The following MARCHF1 variants were observed in gnomAD, a reference collection of about 807,000 sequenced individuals.
MARCHF1 encodes the protein E3 ubiquitin-protein ligase MARCHF1.
MARCHF1 carries 40 observed loss-of-function variants against 54.2 expected under a neutral mutation model. That is an observed-to-expected ratio of 0.74 (90% CI 0.57 to 0.96). The LOEUF (loss-of-function observed/expected upper bound fraction) is 0.96. Ranked by LOEUF, MARCHF1 falls within the 40% of genes least tolerant of loss-of-function variation. The probability of loss-of-function intolerance (pLI) is 0.00; values close to 1 mark genes in which losing one functional copy is unlikely to be tolerated. For synonymous variants in MARCHF1, 236 were observed against 236.3 expected, an observed-to-expected ratio of 1.00 and a Z score of 0.01; for missense variants, 586 against 656.5, an observed-to-expected ratio of 0.89 and a Z score of 1.17.
intron 1 of MARCHF1, among the ~76,000 whole-genome samples, chr4:164,190,906 CT>C: frequency 6.6e-6 from 1 of 152,146 alleles, no homozygotes; most frequent in East Asian, 1.9e-4. Flanking sequence ...CATGGTACCC[CT>C]TTTTGTACTT....
In MARCHF1 at chr4:164,005,282, T is replaced by G. The variant is rs527444156; in HGVS notation, c.-247-16573A>C. On this transcript the variant is annotated intron_variant, in intron 2 of 9. Coordinates refer to ENST00000514618, the MANE Select transcript of MARCHF1 (RefSeq NM_001394959.1). ...AACAAAGTGTGAGTAGCCCTAATTT[T>G]AATACCGCAATTAAATTAATAATTT... 5.9e-5 allele frequency among the ~76,000 whole-genome samples: 9 copies of G among 152,200 alleles called. 1 individual carries two copies. In the South Asian group the frequency reaches 1.9e-3, roughly 32 times the overall value.
At chr4:163,694,772 TTATA>T (rs2111212602) in intron 5 of MARCHF1, among the ~76,000 whole-genome samples, 1 of 152,262 alleles carries the variant, frequency 6.6e-6, no homozygotes, top group East Asian at 1.9e-4. Flanking sequence ...GGGCTATTGA[TTATA>T]TATAAAGTTA....
In MARCHF1 at chr4:164,137,746, A is replaced by C. The variant is rs562299420; in HGVS notation, c.-322-26084T>G. ...GTAAATTCCAGTATTATATCATTAT[A>C]GAGTTTCCAGATTTTGGGAGAATAT... On this transcript the variant is annotated intron_variant, in intron 1 of 9. Transcript: ENST00000514618. Among the ~76,000 whole-genome samples, 305 of 152,348 alleles carry C rather than the reference A, an allele frequency of 2.0e-3. 1 individual carries two copies. The highest frequency in any genetic ancestry group is 3.4e-3 in the Non-Finnish European group (231 of 68,032).
chr4:163,784,301 T>A (rs1747552724), intron 4 of MARCHF1, among the ~76,000 whole-genome samples: 1 of 152,100 alleles, frequency 6.6e-6, no homozygotes, highest in Admixed American at 6.6e-5. Context: ...AAAAAGGACA[T>A]AAAGCCAGTT....
rs141526538 is a variant in MARCHF1 at position 164,060,500 on chromosome 4, T to C, written c.-248+51088A>G. ...ATAGTATTTCTTGTTTTATTTGTAG[T>C]CCTGTAGTGAAACGTGATGAAGTGT... On this transcript the variant is annotated intron_variant, in intron 2 of 9. Coordinates refer to ENST00000514618, the MANE Select transcript of MARCHF1 (RefSeq NM_001394959.1). Among the ~76,000 whole-genome samples the C allele has an allele frequency of 1.2e-4, 18 of 152,296 alleles. No individual in the cohort carries two copies. In the East Asian group the frequency reaches 3.5e-3, roughly 29 times the overall value.
intron 4 of MARCHF1, among the ~76,000 whole-genome samples, chr4:163,838,323 T>A (rs1749246121): frequency 6.6e-6 from 1 of 152,050 alleles, no homozygotes; most frequent in Non-Finnish European, 1.5e-5. Context: ...ACAATGTAAA[T>A]GCTATGGAAA....
intron 4 of MARCHF1, among the ~76,000 whole-genome samples, chr4:163,832,421 G>A (rs1359791481): frequency 6.6e-6 from 1 of 152,076 alleles, no homozygotes; most frequent in East Asian, 1.9e-4. Context: ...ATGTAATGGG[G>A]ATGAATATAA....
At chr4:164,233,238 T>C (rs1163137733) in intron 1 of MARCHF1, among the ~76,000 whole-genome samples, 2 of 143,100 alleles carry the variant, frequency 1.4e-5, no homozygotes, top group Admixed American at 7.6e-5. Context: ...TTTCTGTTTA[T>C]TTCAAAAAAA....
chr4:164,293,423 A>C (rs1179804990), intron 1 of MARCHF1, among the ~76,000 whole-genome samples: 1 of 152,180 alleles, frequency 6.6e-6, no homozygotes, highest in Non-Finnish European at 1.5e-5. Context: ...TTTCTGTACA[A>C]CACTTTCTTT....
chr4:163,968,589 T>C (rs1275002517), intron 3 of MARCHF1, among the ~76,000 whole-genome samples: 2 of 152,308 alleles, frequency 1.3e-5, no homozygotes, highest in East Asian at 3.9e-4. Context: ...CAGTGTTTGT[T>C]GAGCTCCTAC....
Position 163,525,441 on chromosome 4 carries a change from G to A in MARCHF1, c.*3307C>T, listed in dbSNP as rs1738068863. On this transcript the variant is annotated 3_prime_UTR_variant, in exon 10 of 10. Transcript: ENST00000514618. ...ATCTTCCTTCAGGTTACACATTGCT[G>A]TATCTCAGGTTGTTGGGCTCACTTT... is the stretch of plus-strand genomic sequence containing the variant. 6.6e-6 allele frequency: 1 copy of A among 152,076 alleles called. No individual in the cohort carries two copies. The highest frequency in any genetic ancestry group is 6.6e-5 in the Admixed American group (1 of 15,248). The allele number at this position is 152,076 out of a possible 1,614,324, so 9.4% of individuals were successfully genotyped here.
At chr4:164,105,631 C>T (rs1324812695) in intron 2 of MARCHF1, among the ~76,000 whole-genome samples, 4 of 97,558 alleles carry the variant, frequency 4.1e-5, no homozygotes, top group Admixed American at 1.0e-4. Context: ...GGATTAAAGA[C>T]TTAAACGTTA....
At chr4:164,003,397 G>A (rs1271810208) in intron 2 of MARCHF1, among the ~76,000 whole-genome samples, 1 of 152,012 alleles carries the variant, frequency 6.6e-6, no homozygotes, top group East Asian at 1.9e-4. Flanking sequence ...GAAATTGTCA[G>A]ACTGTATAAA....
chr4:163,585,909 T>A lies in MARCHF1; in HGVS notation c.1031A>T (p.Asp344Val). 6.2e-7 allele frequency: 1 copy of A among 1,609,942 alleles called. No homozygotes were observed. Among genetic ancestry groups the A allele is most frequent in the Non-Finnish European group, 8.5e-7 (1 of 1,178,360 alleles). Residue 344 changes from aspartate (D) to valine (V), a missense_variant, in exon 8 of 10, where the codon GAT becomes GTT. This residue lies in a region of MARCHF1 where 93 missense variants were observed against 168.2 expected (regional missense o/e 0.55). Transcript: ENST00000514618. ...GGGTGTGATGAGGGGGCTCTCTTCA[T>A]CCCCTTCGCAGTGACAGATTCTGCA... The part of the protein sequence containing the change: ...EVCRICHCEG[D>V]EESPLITPCR...
chr4:164,305,215 A>G (rs1487844074), intron 1 of MARCHF1, among the ~76,000 whole-genome samples: 1 of 152,198 alleles, frequency 6.6e-6, no homozygotes, highest in African/African-American at 2.4e-5. Flanking sequence ...TCCTAGTTGT[A>G]AAGACAAATA....
At chr4:164,309,404 T>C (rs1005695795) in intron 1 of MARCHF1, among the ~76,000 whole-genome samples, 4 of 152,144 alleles carry the variant, frequency 2.6e-5, no homozygotes, top group African/African-American at 9.7e-5. Flanking sequence ...GAACCCTTCC[T>C]GTGAATCCCT....
chr4:163,552,879 A>T (rs1016071027), intron 8 of MARCHF1, among the ~76,000 whole-genome samples: 1 of 152,084 alleles, frequency 6.6e-6, no homozygotes, highest in South Asian at 2.1e-4. Context: ...TAAAAATACA[A>T]AAAATCAGCT....
intron 2 of MARCHF1, among the ~76,000 whole-genome samples, chr4:164,107,378 T>G (rs1755729656): frequency 1.3e-5 from 2 of 152,182 alleles, no homozygotes; most frequent in South Asian, 4.1e-4. Context: ...TATTAACTTT[T>G]AAGACAGAAT....
chr4:164,365,208 C>G lies in MARCHF1; in HGVS notation c.-323+18662G>C, dbSNP rs924908. On this transcript the variant is annotated intron_variant, in intron 1 of 9. Transcript: ENST00000514618. Reference sequence around the variant, plus strand: ...AAAAGAAATGCCTTAGAAATACTTACATGAGAAATATCTATCTGGACTCAC... The same window carrying G: ...AAAAGAAATGCCTTAGAAATACTTAGATGAGAAATATCTATCTGGACTCAC... Among the ~76,000 whole-genome samples, 3 of 151,704 alleles carry G rather than the reference C, an allele frequency of 2.0e-5. No homozygotes were observed. The East Asian group carries it at 5.8e-4, about 29-fold the overall frequency.
Sources: allele counts gnomAD v4.1 joint callset (sites outside exome capture counted in the v4.1 genomes callset), GRCh38; gene constraint gnomAD v4.1.1; regional missense constraint gnomAD v4.1.1; transcripts MANE v1.5; gene names NCBI Gene and HGNC (gene_info 2026-07-23, HGNC 2026-07-21).